ASAP1: variants seen among roughly 807,000 people sequenced by gnomAD.
ASAP1 encodes arf-GAP with SH3 domain, ANK repeat and PH domain-containing protein 1.
Under a neutral mutation model 145.2 loss-of-function variants are expected in ASAP1, and 43 were observed. The observed-to-expected ratio is 0.30, with a 90% CI of 0.23 to 0.38. ASAP1 has a LOEUF of 0.38. Ranked by LOEUF, ASAP1 falls within the 10% of genes least tolerant of loss-of-function variation. The probability of loss-of-function intolerance (pLI) is 1.00; values close to 1 mark genes in which losing one functional copy is unlikely to be tolerated. For missense variants in ASAP1, 1,018 were observed against 1,355.3 expected (o/e 0.75, Z 3.91); for synonymous variants, 546 against 515.5 (o/e 1.06, Z -0.80).
intron 4 of ASAP1, among the ~76,000 whole-genome samples, chr8:130,217,471 G>A (rs866741914): frequency 2.2e-4 from 33 of 149,180 alleles, no homozygotes; most frequent in African/African-American, 7.2e-4. Context: ...ATATATACAC[G>A]TATATATACA....
At chr8:130,097,176 T>C (rs1235536660) in intron 24 of ASAP1, among the ~76,000 whole-genome samples, 1 of 134,238 alleles carries the variant, frequency 7.4e-6, no homozygotes. Context: ...TTGAAAACTG[T>C]ATTGTGGACA....
intron 4 of ASAP1, among the ~76,000 whole-genome samples, chr8:130,214,902 T>G (rs1420100167): frequency 6.6e-6 from 1 of 152,026 alleles, no homozygotes; most frequent in Non-Finnish European, 1.5e-5. Context: ...CCCTTTTATC[T>G]TTTTTTCTTT....
Position 130,359,046 on chromosome 8 carries a change from G to C in ASAP1, c.60-903C>G, listed in dbSNP as rs1354824698. 2.0e-5 allele frequency among the ~76,000 whole-genome samples: 3 copies of C among 152,284 alleles called. No homozygotes were observed. In the East Asian group the frequency reaches 5.8e-4, roughly 30 times the overall value. On this transcript the variant is annotated intron_variant, in intron 2 of 29. Transcript: ENST00000518721. The stretch of plus-strand genomic sequence containing the variant: ...GCTGGGCGCAGGGGCGGCCTCCCGG[G>C]GCCCGGGCTTGCAGCTGCCCGCTCG...
intron 27 of ASAP1, among the ~76,000 whole-genome samples, chr8:130,067,248 T>C (rs563551616): frequency 5.9e-5 from 9 of 152,278 alleles, no homozygotes; most frequent in East Asian, 1.9e-4. Context: ...CCCAGAAATG[T>C]TGGGTGACCC....
At chr8:130,311,809 T>G (rs564018205) in intron 3 of ASAP1, among the ~76,000 whole-genome samples, 2 of 147,408 alleles carry the variant, frequency 1.4e-5, no homozygotes, top group African/African-American at 5.0e-5. Flanking sequence ...CTTATAATTA[T>G]AGAAAGCAAA....
At chr8:130,242,060 C>T (rs979215940) in intron 3 of ASAP1, among the ~76,000 whole-genome samples, 1 of 151,768 alleles carries the variant, frequency 6.6e-6, no homozygotes, top group Non-Finnish European at 1.5e-5. Flanking sequence ...GGGAATTATA[C>T]CTACCATCTA....
chr8:130,153,359 G>GTATATATATATATATATATA (rs1208128915), intron 12 of ASAP1, among the ~76,000 whole-genome samples: 1 of 28,912 alleles, frequency 3.5e-5, no homozygotes, highest in African/African-American at 1.0e-4. Flanking sequence ...ATATATATAT[G>GTATATATATATATATATATA]TATATATATA....
At chr8:130,120,165 T>C (rs2097563403) in intron 18 of ASAP1, among the ~76,000 whole-genome samples, 1 of 152,220 alleles carries the variant, frequency 6.6e-6, no homozygotes, top group Non-Finnish European at 1.5e-5. Flanking sequence ...GTGTGTCCCT[T>C]ATGCTTAGGT....
chr8:130,323,515 G>A (rs1824141730), intron 3 of ASAP1, among the ~76,000 whole-genome samples: 1 of 152,134 alleles, frequency 6.6e-6, no homozygotes, highest in Admixed American at 6.5e-5. Context: ...CTGTCATGTT[G>A]GATAAGAAAG....
chr8:130,311,216 T>C (rs1010724352), intron 3 of ASAP1, among the ~76,000 whole-genome samples: 7 of 152,222 alleles, frequency 4.6e-5, no homozygotes, highest in Admixed American at 1.3e-4. Context: ...GGTGGAATCA[T>C]GGGTCATTTT....
intron 1 of ASAP1, among the ~76,000 whole-genome samples, chr8:130,408,830 A>G (rs535401021): frequency 7.2e-5 from 11 of 152,348 alleles, no homozygotes; most frequent in Admixed American, 2.0e-4. Flanking sequence ...TAGTGGTGGC[A>G]GACTCAGAAC....
chr8:130,219,509 CT>C (rs1817159510), intron 4 of ASAP1, among the ~76,000 whole-genome samples: 1 of 152,094 alleles, frequency 6.6e-6, no homozygotes, highest in Admixed American at 6.5e-5. Flanking sequence ...ATGAGTGTTT[CT>C]GAAGGAGACG....
intron 2 of ASAP1, chr8:130,361,606 G>T (rs1207473834): frequency 8.3e-7 from 1 of 1,201,718 alleles, no homozygotes; most frequent in Non-Finnish European, 1.2e-6. Flanking sequence ...TTGTGCTTTG[G>T]TAAGTATATA....
At chr8:130,357,562 G>A (rs1184324846) in intron 3 of ASAP1, among the ~76,000 whole-genome samples, 1 of 152,210 alleles carries the variant, frequency 6.6e-6, no homozygotes, top group Non-Finnish European at 1.5e-5. Flanking sequence ...CCGCAGCTAC[G>A]CCTGCCTGGT....
chr8:130,236,318 A>AT (rs560221831), intron 4 of ASAP1, among the ~76,000 whole-genome samples: 1,549 of 144,896 alleles, frequency 0.011, 22 homozygotes, highest in African/African-American at 0.036. Context: ...GTGGTTACTC[A>AT]TTTTTTTTTT....
chr8:130,228,408 A>C (rs150774204), intron 4 of ASAP1, among the ~76,000 whole-genome samples: 2 of 152,272 alleles, frequency 1.3e-5, no homozygotes, highest in East Asian at 3.9e-4. Context: ...TGTGATTCAG[A>C]ATATACACAA....
intron 13 of ASAP1, among the ~76,000 whole-genome samples, chr8:130,148,920 T>C (rs985847835): frequency 6.6e-6 from 1 of 151,976 alleles, no homozygotes; most frequent in Non-Finnish European, 1.5e-5. Flanking sequence ...CTGCGGCCTC[T>C]GCCTCCCAGG....
chr8:130,093,172 A>G (rs999450378), intron 24 of ASAP1, among the ~76,000 whole-genome samples: 1 of 152,200 alleles, frequency 6.6e-6, no homozygotes, highest in Non-Finnish European at 1.5e-5. Flanking sequence ...GTAATATTCC[A>G]CATACACACA....
In ASAP1 at chr8:130,079,862, A is replaced by G. The variant is rs115908456; in HGVS notation, c.2642+40T>C. 2.0e-3 allele frequency: 3,209 copies of G among 1,581,306 alleles called. 66 individuals are homozygous for G. The African/African-American group carries it at 0.038, about 19-fold the overall frequency. The stretch of plus-strand genomic sequence containing the variant: ...TTCTAGAATTCTGTCCATTGCATCA[A>G]TGGATCCAACAGGGGAAATGAAGCG... On this transcript the variant is annotated intron_variant, in intron 26 of 29. Coordinates refer to ENST00000518721, the MANE Select transcript of ASAP1 (RefSeq NM_018482.4).
Sources: gnomAD v4.1 joint callset for allele counts (sites outside exome capture counted in the v4.1 genomes callset) on GRCh38, gnomAD v4.1.1 for gene constraint, MANE v1.5 for transcripts, NCBI Gene and HGNC (gene_info 2026-07-23, HGNC 2026-07-21) for gene names.